The following CEP72 variants were observed in gnomAD, a reference collection of about 807,000 sequenced individuals.
CEP72 encodes the protein centrosomal protein of 72 kDa.
CEP72 carries 78 observed loss-of-function variants against 65.7 expected under a neutral mutation model. The observed-to-expected ratio is 1.19, with a 90% CI of 0.99 to 1.43. The LOEUF (loss-of-function observed/expected upper bound fraction) is 1.43. Among genes scored for constraint, CEP72 ranks in the 40% most tolerant of loss-of-function variants. The pLI, the probability that CEP72 is intolerant of heterozygous loss-of-function variation, is 0.00. For synonymous variants in CEP72, 358 were observed against 351.7 expected (o/e 1.02, Z -0.20); for missense variants, 914 against 832.9 (o/e 1.10, Z -1.20).
At position 628,888 on chromosome 5, in the gene CEP72, C is replaced by A. The variant is rs112974986; in HGVS notation, c.512+4309C>A. 4.9e-3 allele frequency among the ~76,000 whole-genome samples: 402 copies of A among 82,236 alleles called. 22 individuals carry two copies. The highest frequency in any genetic ancestry group is 0.013 in the East Asian group (24 of 1,818). The allele number at this position is 82,236 out of a possible 152,430, so 54.0% of individuals were successfully genotyped here. Reference sequence around the variant, plus strand: ...CAGCGTTCTGGAGAACTCAGGTTGCCGTCCCTGGGGAGTGGCCCCAGGACC... The same window carrying A: ...CAGCGTTCTGGAGAACTCAGGTTGCAGTCCCTGGGGAGTGGCCCCAGGACC... On this transcript the variant is annotated intron_variant, in intron 4 of 11. Transcript: ENST00000264935.
At chr5:674,176 C>T in the CEP72 span, among the ~76,000 whole-genome samples, 1 of 152,208 alleles carries the variant, frequency 6.6e-6, no homozygotes, top group Non-Finnish European at 1.5e-5. Flanking sequence ...CGCTTTGCCC[C>T]GGGTCTGCTC....
At position 624,858 on chromosome 5, in the gene CEP72, G is replaced by A. The variant is rs1327829312; in HGVS notation, c.512+279G>A. Among the ~76,000 whole-genome samples, 2 of 152,172 alleles carry A rather than the reference G, an allele frequency of 1.3e-5. No homozygotes were observed. Among genetic ancestry groups the A allele is most frequent in the African/African-American group, 4.8e-5 (2 of 41,432 alleles). The stretch of plus-strand genomic sequence containing the variant: ...AAAGGGCTTGTCCTGTCCCTTTCCC[G>A]GGGCTGGCAGCTCTCACGTCTGTGG... On this transcript the variant is annotated intron_variant, in intron 4 of 11. Transcript: ENST00000264935. This position sits in a 1 kb window ranked among gnomAD's most constrained non-coding sequence, Gnocchi z 4.7.
chr5:669,020 A>G (rs1373976080), downstream of CEP72, among the ~76,000 whole-genome samples: 1 of 152,220 alleles, frequency 6.6e-6, no homozygotes, highest in Non-Finnish European at 1.5e-5. Flanking sequence ...CACAACAGAC[A>G]CCATCAACAG....
Position 624,365 on chromosome 5 carries a change from G to T in CEP72, c.404-106G>T. 1 of 738,092 alleles carries T rather than the reference G, an allele frequency of 1.4e-6. No individual in the cohort carries two copies. Among genetic ancestry groups the T allele is most frequent in the South Asian group, 1.6e-5 (1 of 62,808 alleles). The allele number at this position is 738,092 out of a possible 1,614,324, so 45.7% of individuals were successfully genotyped here. On this transcript the variant is annotated intron_variant, in intron 3 of 11. Coordinates refer to ENST00000264935, the MANE Select transcript of CEP72 (RefSeq NM_018140.4). The surrounding 1 kb of genome is among the most constrained non-coding windows in gnomAD (Gnocchi z 4.7). ...CCGGTGCTAGGTTAGTGGGAGCAGGGCTGGCCCCGAGGGGATGGACACCCT... is the reference window on the plus strand; with the variant it reads ...CCGGTGCTAGGTTAGTGGGAGCAGGTCTGGCCCCGAGGGGATGGACACCCT...
intron 9 of CEP72, chr5:643,743 T>TG: frequency 1.2e-6 from 1 of 846,300 alleles, no homozygotes; most frequent in Non-Finnish European, 1.4e-6. Context: ...CCAGACACCC[T>TG]GGGGCCAGGG....
intron 4 of CEP72, among the ~76,000 whole-genome samples, chr5:629,140 C>T (rs1441003103): frequency 6.6e-6 from 1 of 152,252 alleles, no homozygotes; most frequent in African/African-American, 2.4e-5. Flanking sequence ...TATCTCTTAA[C>T]TGCCTTTGTT....
chr5:657,588 T>C (rs117291348), downstream of CEP72, among the ~76,000 whole-genome samples: 14 of 152,334 alleles, frequency 9.2e-5, no homozygotes, highest in East Asian at 1.5e-3. Flanking sequence ...CCAGTATAAC[T>C]CAGTGTTCCA....
intron 4 of CEP72, among the ~76,000 whole-genome samples, chr5:628,754 G>GCTTCTGGAGAACTCAGGTTGCCA (rs1561037477): frequency 8.1e-6 from 1 of 124,020 alleles, no homozygotes; most frequent in African/African-American, 2.9e-5. Flanking sequence ...TCAGGTTGCA[G>GCTTCTGGAGAACTCAGGTTGCCA]TCCCCGGGGA....
chr5:638,583 G>A (rs1349147638), intron 7 of CEP72, among the ~76,000 whole-genome samples: 1 of 152,048 alleles, frequency 6.6e-6, no homozygotes, highest in African/African-American at 2.4e-5. Context: ...TCCCAGAGCT[G>A]GGTGGGGCGT....
chr5:642,325 G>A, intron 9 of CEP72: 1 of 984,166 alleles, frequency 1.0e-6, no homozygotes, highest in Non-Finnish European at 1.2e-6. Flanking sequence ...TCTGGTGGAA[G>A]CCTCTGGATT....
chr5:668,377 C>T (rs1292664338), downstream of CEP72, among the ~76,000 whole-genome samples: 580 of 95,912 alleles, frequency 6.0e-3, 45 homozygotes, highest in African/African-American at 0.028. Context: ...GAGGGGTCCG[C>T]GTGGGCCTCG....
chr5:643,216 T>C (rs886830856), intron 9 of CEP72: 1 of 985,234 alleles, frequency 1.0e-6, no homozygotes, highest in East Asian at 1.1e-4. Context: ...AAGAAACAAA[T>C]GAAAAAGAGC....
At chr5:620,642 G>T (rs1345953692) in intron 3 of CEP72, among the ~76,000 whole-genome samples, 1 of 152,222 alleles carries the variant, frequency 6.6e-6, no homozygotes, top group African/African-American at 2.4e-5. Context: ...CTAAACAGCA[G>T]GATGCTGCCT....
At chr5:654,008 GTGCTGTGTGTGCGCTAGTGTGCGCT>G (rs1419009933), downstream of CEP72, among the ~76,000 whole-genome samples, 3 of 139,268 alleles carry the variant, frequency 2.2e-5, no homozygotes, top group South Asian at 4.8e-4. Flanking sequence ...CTGTGTGTGT[GTGCTGTGTGTGCGCTAGTGTGCGCT>G]TGCTGTGTGT....
chr5:620,204 G>T lies in CEP72; in HGVS notation c.346G>T (p.Val116Phe). ...CTTCCGGCTGAACCCCGTGGTGAAG[G>T]TTGAGCCTGACTACCGCCTTTTTGT... Reference protein sequence around the residue: ...VDFRLNPVVKVEPDYRLFVVH... With the variant: ...VDFRLNPVVKFEPDYRLFVVH... Residue 116 changes from valine (V) to phenylalanine (F), a missense_variant, in exon 3 of 12, where the codon GTT becomes TTT. Physicochemically the swap from Val to Phe is conservative, Grantham distance 50. Transcript: ENST00000264935. The T allele has an allele frequency of 6.2e-7, 1 of 1,614,184 alleles. No homozygotes were observed. Among genetic ancestry groups the T allele is most frequent in the Non-Finnish European group, 8.5e-7 (1 of 1,180,024 alleles).
At chr5:659,490 G>A (rs1689671), downstream of CEP72, among the ~76,000 whole-genome samples, 30,074 of 152,194 alleles carry the variant, frequency 0.2, 3,369 homozygotes, top group East Asian at 0.43. Flanking sequence ...AAACTGTTTC[G>A]CTGGGCTAGT....
At chr5:641,247 G>A in intron 9 of CEP72, 5 of 985,346 alleles carry the variant, frequency 5.1e-6, no homozygotes, top group Non-Finnish European at 6.0e-6. Context: ...ACGCTGCAAG[G>A]GCCTCCCCAC....
chr5:614,848 G>A (rs1697952), intron 1 of CEP72, among the ~76,000 whole-genome samples: 95,828 of 151,980 alleles, frequency 0.63, 30,390 homozygotes, highest in Non-Finnish European at 0.66. Context: ...GTGCACTTGA[G>A]TGTGTGTGTA....
At chr5:620,797 A>G (rs1368570436) in intron 3 of CEP72, among the ~76,000 whole-genome samples, 3 of 152,224 alleles carry the variant, frequency 2.0e-5, no homozygotes, top group African/African-American at 7.2e-5. Context: ...TCTTGTAGGC[A>G]GAACTTCCAG....
Sources: allele counts gnomAD v4.1 joint callset (sites outside exome capture counted in the v4.1 genomes callset), GRCh38; gene constraint gnomAD v4.1.1; non-coding constraint Gnocchi (gnomAD v3.1); transcripts MANE v1.5; gene names NCBI Gene and HGNC (gene_info 2026-07-23, HGNC 2026-07-21).